SCMH1: variants seen among roughly 807,000 people sequenced by gnomAD.
SCMH1 encodes the protein polycomb protein SCMH1.
In SCMH1, 37 loss-of-function variants were observed where a neutral mutation model predicts 70.8. That is an observed-to-expected ratio of 0.52 (90% CI 0.40 to 0.69). The LOEUF is 0.69. Among genes scored for constraint, SCMH1 ranks in the 30% least tolerant of loss-of-function variants. SCMH1 has a pLI of 0.00. For missense variants in SCMH1, 607 were observed against 827.3 expected (o/e 0.73, Z 3.27); for synonymous variants, 292 against 307.4 (o/e 0.95, Z 0.52).
At chr1:41,155,752 C>T (rs904292437) in intron 4 of SCMH1, among the ~76,000 whole-genome samples, 13 of 151,984 alleles carry the variant, frequency 8.6e-5, no homozygotes, top group African/African-American at 2.7e-4. Flanking sequence ...GAGGCTGAGG[C>T]GGGCAGATCA....
At chr1:41,201,450 A>G (rs1009950230) in intron 1 of SCMH1, among the ~76,000 whole-genome samples, 1 of 152,210 alleles carries the variant, frequency 6.6e-6, no homozygotes, top group South Asian at 2.1e-4. Flanking sequence ...TGGGTCCTAC[A>G]TTTACTGCAA....
At chr1:41,071,849 G>A (rs1264239900) in intron 9 of SCMH1, among the ~76,000 whole-genome samples, 3 of 152,062 alleles carry the variant, frequency 2.0e-5, no homozygotes, top group Non-Finnish European at 2.9e-5. Flanking sequence ...TTTTTGTAGA[G>A]ATGAGGTCTC....
At chr1:41,121,969 G>A (rs1275021123) in intron 6 of SCMH1, among the ~76,000 whole-genome samples, 1 of 151,958 alleles carries the variant, frequency 6.6e-6, no homozygotes, top group Non-Finnish European at 1.5e-5. Context: ...ATGCTAGATC[G>A]ACCCACATTT....
intron 1 of SCMH1, among the ~76,000 whole-genome samples, chr1:41,233,947 G>C (rs1367544559): frequency 6.6e-6 from 1 of 152,188 alleles, no homozygotes; most frequent in Non-Finnish European, 1.5e-5. Context: ...TTAACTTTGT[G>C]CTTGTTTAGT....
At chr1:41,126,673 TTTC>T (rs1459334043) in intron 6 of SCMH1, among the ~76,000 whole-genome samples, 13 of 152,312 alleles carry the variant, frequency 8.5e-5, no homozygotes, top group Non-Finnish European at 1.3e-4. Context: ...TTTCTGCAAC[TTTC>T]TTTTTTCACA....
chr1:41,100,859 C>T (rs1466977632), intron 8 of SCMH1, among the ~76,000 whole-genome samples: 2 of 152,132 alleles, frequency 1.3e-5, no homozygotes, highest in African/African-American at 4.8e-5. Context: ...CCACTGCACC[C>T]AGCCAGTATA....
intron 11 of SCMH1, among the ~76,000 whole-genome samples, chr1:41,047,018 G>A (rs533046926): frequency 6.6e-6 from 1 of 152,166 alleles, no homozygotes; most frequent in Non-Finnish European, 1.5e-5. Flanking sequence ...GCAATGGTAT[G>A]GGTACACAAT....
intron 6 of SCMH1, among the ~76,000 whole-genome samples, chr1:41,127,513 A>C (rs190309529): frequency 4.2e-4 from 64 of 152,336 alleles, no homozygotes; most frequent in Non-Finnish European, 8.8e-5. Flanking sequence ...ATACGCTGTG[A>C]TATATGGATT....
intron 5 of SCMH1, among the ~76,000 whole-genome samples, chr1:41,150,953 A>G (rs1026459002): frequency 4.0e-5 from 6 of 151,560 alleles, no homozygotes; most frequent in African/African-American, 1.2e-4. Context: ...AAAAAAAAAA[A>G]AAAAGAAAAC....
chr1:41,200,554 CAG>C (rs1165077190), intron 1 of SCMH1, among the ~76,000 whole-genome samples: 1 of 149,474 alleles, frequency 6.7e-6, no homozygotes, highest in Non-Finnish European at 1.5e-5. Context: ...GTGAGGAAAA[CAG>C]AGTTAGGAAT....
chr1:41,141,883 A>G (rs559305358), intron 6 of SCMH1, among the ~76,000 whole-genome samples: 2 of 152,356 alleles, frequency 1.3e-5, no homozygotes, highest in South Asian at 4.1e-4. Context: ...GTTGATATTA[A>G]GACATTATCA....
intron 8 of SCMH1, chr1:41,098,706 G>T: frequency 1.2e-5 from 2 of 170,328 alleles, no homozygotes; most frequent in South Asian, 1.7e-4. Context: ...GGCCTTTGAG[G>T]GCCAAAAAGA....
At chr1:41,203,161 T>C (rs1654756494) in intron 1 of SCMH1, among the ~76,000 whole-genome samples, 1 of 152,102 alleles carries the variant, frequency 6.6e-6, no homozygotes. Flanking sequence ...AAATCTGGTA[T>C]ACATTTACAC....
chr1:41,197,635 A>G (rs1396254193), intron 1 of SCMH1, among the ~76,000 whole-genome samples: 1 of 152,130 alleles, frequency 6.6e-6, no homozygotes, highest in Non-Finnish European at 1.5e-5. Flanking sequence ...TACACACACT[A>G]TAAATGTACT....
At chr1:41,231,280 G>C (rs1271391875) in intron 1 of SCMH1, among the ~76,000 whole-genome samples, 1 of 152,098 alleles carries the variant, frequency 6.6e-6, no homozygotes, top group Non-Finnish European at 1.5e-5. Flanking sequence ...CAGTTTGTCA[G>C]TCATTATCAA....
intron 2 of SCMH1, among the ~76,000 whole-genome samples, chr1:41,164,150 T>C (rs1353032742): frequency 6.6e-6 from 1 of 152,118 alleles, no homozygotes; most frequent in African/African-American, 2.4e-5. Flanking sequence ...CATCTCTTTT[T>C]TGTCAAACGT....
intron 5 of SCMH1, among the ~76,000 whole-genome samples, chr1:41,149,081 A>G (rs905266658): frequency 7.9e-5 from 12 of 152,022 alleles, no homozygotes; most frequent in Non-Finnish European, 1.2e-4. Flanking sequence ...CTGAGACACC[A>G]TGCCCAGCTG....
At chr1:41,034,134 G>A in intron 13 of SCMH1, 86 bp from the exon 14 acceptor site, 2 of 1,524,226 alleles carry the variant, frequency 1.3e-6, no homozygotes, top group Non-Finnish European at 1.8e-6. Flanking sequence ...GAGGTGAGAT[G>A]ACTGACTCAA....
chr1:41,066,500 T>A (rs1388949489), intron 10 of SCMH1, among the ~76,000 whole-genome samples: 7 of 152,202 alleles, frequency 4.6e-5, no homozygotes, highest in African/African-American at 1.7e-4. Flanking sequence ...AGAAGTATGA[T>A]TGTCTATATA....
Sources: gnomAD v4.1 joint callset for allele counts (sites outside exome capture counted in the v4.1 genomes callset) on GRCh38, gnomAD v4.1.1 for gene constraint, MANE v1.5 for transcripts, NCBI Gene and HGNC (gene_info 2026-07-23, HGNC 2026-07-21) for gene names.